DENND5B: variants seen among roughly 807,000 people sequenced by gnomAD.
DENND5B encodes the protein DENN domain containing 5B, also known as DENN domain-containing protein 5B.
DENND5B carries 34 observed loss-of-function variants against 140.6 expected under a neutral mutation model. The ratio of observed to expected loss-of-function variants is 0.24; its 90% CI spans 0.18 to 0.32. The LOEUF (loss-of-function observed/expected upper bound fraction) is 0.32. Among genes scored for constraint, DENND5B ranks in the 10% least tolerant of loss-of-function variants. The pLI, the probability that DENND5B is intolerant of heterozygous loss-of-function variation, is 1.00. For missense variants in DENND5B, 1,142 were observed against 1,560.2 expected, an observed-to-expected ratio of 0.73 and a Z score of 4.52; for synonymous variants, 551 against 562.1, an observed-to-expected ratio of 0.98 and a Z score of 0.28.
chr12:31,390,976 A>G (rs1941110142), intron 19 of DENND5B, among the ~76,000 whole-genome samples: 1 of 152,210 alleles, frequency 6.6e-6, no homozygotes, highest in Admixed American at 6.5e-5. Flanking sequence ...AGATGGGGCC[A>G]CTGCACTCCA....
intron 3 of DENND5B, among the ~76,000 whole-genome samples, chr12:31,474,521 A>C (rs1645368192): frequency 6.6e-6 from 1 of 152,184 alleles, no homozygotes; most frequent in Non-Finnish European, 1.5e-5. Context: ...TGCATTTCCT[A>C]AATAACAGAT....
At chr12:31,425,719 C>T (rs1271820470) in intron 9 of DENND5B, among the ~76,000 whole-genome samples, 1 of 152,126 alleles carries the variant, frequency 6.6e-6, no homozygotes, top group East Asian at 1.9e-4. Context: ...AATAGTAGTA[C>T]ATTTATTGAA....
At chr12:31,471,946 A>C (rs887341576) in intron 3 of DENND5B, among the ~76,000 whole-genome samples, 1 of 152,096 alleles carries the variant, frequency 6.6e-6, no homozygotes, top group Non-Finnish European at 1.5e-5. Flanking sequence ...TCCCCCTATA[A>C]ATTCCAAGTG....
intron 14 of DENND5B, among the ~76,000 whole-genome samples, chr12:31,408,665 A>G (rs903221661): frequency 6.7e-6 from 1 of 149,534 alleles, no homozygotes; most frequent in Non-Finnish European, 1.5e-5. Flanking sequence ...TCCAATCAGC[A>G]TTTCCTTCCA....
chr12:31,427,801 C>T (rs754350643), intron 8 of DENND5B, among the ~76,000 whole-genome samples: 8 of 152,042 alleles, frequency 5.3e-5, no homozygotes, highest in Non-Finnish European at 1.0e-4. Flanking sequence ...CATCCTCCCA[C>T]GGGCACATAT....
At chr12:31,577,526 T>C (rs1319150638) in intron 1 of DENND5B, among the ~76,000 whole-genome samples, 3 of 151,428 alleles carry the variant, frequency 2.0e-5, no homozygotes, top group African/African-American at 7.3e-5. Context: ...CTGGCTAACA[T>C]GGTGAAACCC....
intron 1 of DENND5B, among the ~76,000 whole-genome samples, chr12:31,529,088 G>A (rs575127495): frequency 6.6e-6 from 1 of 151,560 alleles, no homozygotes; most frequent in South Asian, 2.1e-4. Flanking sequence ...GCTTGAACTC[G>A]GGAGGCGGAG....
chr12:31,451,959 T>C lies in DENND5B; in HGVS notation c.1610A>G (p.Gln537Arg). 6.2e-7 allele frequency: 1 copy of C among 1,613,434 alleles called. No homozygotes were observed. Among genetic ancestry groups the C allele is most frequent in the Non-Finnish European group, 8.5e-7 (1 of 1,179,776 alleles). Residue 537 changes from glutamine to arginine, a missense_variant, in exon 5 of 21, where the codon CAG becomes CGG. Around this residue, in one of 5 missense-constraint regions of DENND5B, gnomAD observed 708 missense variants for 905.5 expected, o/e 0.78. Transcript: ENST00000389082. Reference protein sequence around the residue: ...DMESWLTNREQMQNFDKASFL... With the variant: ...DMESWLTNRERMQNFDKASFL... ...TTTTACTTTGTCAAAGTTCTGCATCTGTTCCCGGTTGGTCAGCCAGGATTC... is the reference window on the plus strand; with the variant it reads ...TTTTACTTTGTCAAAGTTCTGCATCCGTTCCCGGTTGGTCAGCCAGGATTC...
At chr12:31,462,246 G>C (rs939174144) in intron 3 of DENND5B, among the ~76,000 whole-genome samples, 5 of 151,970 alleles carry the variant, frequency 3.3e-5, no homozygotes, top group Non-Finnish European at 7.4e-5. Context: ...CTCTGTGCAG[G>C]TGAGGCGGGT....
At chr12:31,589,311 T>A (rs762187081) in intron 1 of DENND5B, among the ~76,000 whole-genome samples, 1 of 152,222 alleles carries the variant, frequency 6.6e-6, no homozygotes, top group Non-Finnish European at 1.5e-5. Context: ...AACATGTACA[T>A]GAAATCTTAG....
chr12:31,415,496 T>A (rs776476723), intron 11 of DENND5B, 48 bp from the exon 12 acceptor site: 1 of 1,412,012 alleles, frequency 7.1e-7, no homozygotes, highest in African/African-American at 1.4e-5. Flanking sequence ...ATAAAAAATA[T>A]ACATGGTTCA....
intron 17 of DENND5B, among the ~76,000 whole-genome samples, chr12:31,397,013 T>A (rs1941511189): frequency 6.6e-6 from 1 of 152,214 alleles, no homozygotes; most frequent in African/African-American, 2.4e-5. Flanking sequence ...ATTTACAGAT[T>A]CTAGAGGTTA....
At chr12:31,430,797 G>A (rs934644677) in intron 8 of DENND5B, among the ~76,000 whole-genome samples, 8 of 152,304 alleles carry the variant, frequency 5.3e-5, no homozygotes, top group African/African-American at 1.9e-4. Context: ...ACAGTTATTA[G>A]CCAACAGTGG....
chr12:31,528,990 G>A (rs574636165), intron 1 of DENND5B, among the ~76,000 whole-genome samples: 14 of 151,526 alleles, frequency 9.2e-5, no homozygotes, highest in South Asian at 2.1e-4. Flanking sequence ...GTGAAACCCC[G>A]TCTCTACTAA....
intron 1 of DENND5B, among the ~76,000 whole-genome samples, chr12:31,561,105 T>C (rs895735787): frequency 6.6e-6 from 1 of 152,140 alleles, no homozygotes; most frequent in African/African-American, 2.4e-5. Context: ...GAACTCCGTA[T>C]GTAAGGGATG....
intron 3 of DENND5B, among the ~76,000 whole-genome samples, chr12:31,468,422 G>C (rs960770076): frequency 2.0e-5 from 3 of 151,958 alleles, no homozygotes; most frequent in Non-Finnish European, 4.4e-5. Context: ...GTAGTAGAAA[G>C]AAGTGAATAA....
At chr12:31,571,008 G>T (rs1949804591) in intron 1 of DENND5B, among the ~76,000 whole-genome samples, 1 of 152,062 alleles carries the variant, frequency 6.6e-6, no homozygotes, top group Non-Finnish European at 1.5e-5. Context: ...GCATGAAAAG[G>T]GAAACTGCAA....
At chr12:31,561,046 T>C (rs1949457376) in intron 1 of DENND5B, among the ~76,000 whole-genome samples, 1 of 152,154 alleles carries the variant, frequency 6.6e-6, no homozygotes, top group Non-Finnish European at 1.5e-5. Flanking sequence ...ATAGGAGATT[T>C]GCTGGAACCT....
chr12:31,576,481 T>G (rs1950022658), intron 1 of DENND5B, among the ~76,000 whole-genome samples: 2 of 146,896 alleles, frequency 1.4e-5, no homozygotes, highest in South Asian at 4.4e-4. Flanking sequence ...TAATGAAAGA[T>G]AAGAAAGAGA....
Sources: gnomAD v4.1 joint callset for allele counts (sites outside exome capture counted in the v4.1 genomes callset) on GRCh38, gnomAD v4.1.1 for gene constraint, gnomAD v4.1.1 regional missense constraint, MANE v1.5 for transcripts, NCBI Gene and HGNC (gene_info 2026-07-23, HGNC 2026-07-21) for gene names.